The following ACVR1B variants were observed in gnomAD, a reference collection of about 807,000 sequenced individuals.
ACVR1B encodes activin A receptor type 1B.
ACVR1B carries 15 observed loss-of-function variants against 55.6 expected under a neutral mutation model. That is an observed-to-expected ratio of 0.27 (90% CI 0.18 to 0.42). The LOEUF (loss-of-function observed/expected upper bound fraction) is 0.42, where lower values mean the gene tolerates loss of function less well. ACVR1B is among the 10% of genes least tolerant of loss of function. The pLI is 1.00. For synonymous variants in ACVR1B, 247 were observed against 254.6 expected (o/e 0.97, Z 0.28); for missense variants, 359 against 670.1 (o/e 0.54, Z 5.13).
intron 8 of ACVR1B, among the ~76,000 whole-genome samples, chr12:51,993,020 CA>C (rs1263045825): frequency 6.6e-6 from 1 of 152,174 alleles, no homozygotes; most frequent in Non-Finnish European, 1.5e-5. Flanking sequence ...GTGTGATTGA[CA>C]AATGAAATTG....
At chr12:51,992,302 C>T (rs910228750) in intron 8 of ACVR1B, 7 of 446,994 alleles carry the variant, frequency 1.6e-5, no homozygotes, top group Admixed American at 7.7e-5. Context: ...CTCAGAAGTT[C>T]GAGACAAACC....
At chr12:51,965,099 G>T (rs1001990366) in intron 1 of ACVR1B, among the ~76,000 whole-genome samples, 2 of 152,082 alleles carry the variant, frequency 1.3e-5, no homozygotes, top group African/African-American at 4.8e-5. Flanking sequence ...TGTAATTTAT[G>T]TTGGTGGACA....
chr12:51,973,820 A>G (rs1941793199), intron 1 of ACVR1B, among the ~76,000 whole-genome samples: 1 of 152,180 alleles, frequency 6.6e-6, no homozygotes, highest in Non-Finnish European at 1.5e-5. Flanking sequence ...TGCACTGTCT[A>G]CACTGTCTAT....
intron 6 of ACVR1B, among the ~76,000 whole-genome samples, chr12:51,986,403 C>T (rs1293522384): frequency 2.0e-5 from 3 of 152,120 alleles, no homozygotes; most frequent in African/African-American, 4.8e-5. Flanking sequence ...GGATTACAGG[C>T]GCCTGCCACC....
At chr12:51,971,501 TTATA>T (rs1483291231) in intron 1 of ACVR1B, among the ~76,000 whole-genome samples, 2 of 152,334 alleles carry the variant, frequency 1.3e-5, no homozygotes, top group East Asian at 3.9e-4. Flanking sequence ...TTAGGTATGT[TTATA>T]TACACGGTGT....
chr12:51,985,415 C>T, intron 6 of ACVR1B, 67 bp downstream of exon 6: 1 of 1,515,016 alleles, frequency 6.6e-7, no homozygotes, highest in Non-Finnish European at 8.9e-7. Flanking sequence ...GTGCCGTTTC[C>T]CATATGCGCA....
chr12:51,955,002 C>T lies in ACVR1B; in HGVS notation c.91+3168C>T, dbSNP rs555356176. Among the ~76,000 whole-genome samples the T allele has an allele frequency of 2.7e-4, 41 of 152,302 alleles. No homozygotes were observed. In the South Asian group the frequency reaches 8.3e-3, roughly 31 times the overall value. On this transcript the variant is annotated intron_variant, in intron 1 of 8. Coordinates refer to ENST00000257963, the MANE Select transcript of ACVR1B (RefSeq NM_004302.5). ...TCCTCAAGTTAATTTCTGTCTCTGG[C>T]AGGCTCTTACATCGTCGACTAGGCA...
chr12:51,954,057 T>A (rs1353620613), intron 1 of ACVR1B, among the ~76,000 whole-genome samples: 1 of 152,112 alleles, frequency 6.6e-6, no homozygotes, highest in African/African-American at 2.4e-5. Flanking sequence ...AAACGTCAGT[T>A]CTGGGAAAAT....
chr12:51,957,059 C>T (rs1354937543), intron 1 of ACVR1B, among the ~76,000 whole-genome samples: 1 of 151,918 alleles, frequency 6.6e-6, no homozygotes, highest in Non-Finnish European at 1.5e-5. Flanking sequence ...AGCCACTGAA[C>T]CTGGCCTGTT....
At chr12:51,992,092 G>A in intron 8 of ACVR1B, 99 bp downstream of exon 8, 1 of 1,474,808 alleles carries the variant, frequency 6.8e-7, no homozygotes, top group Non-Finnish European at 9.4e-7. Flanking sequence ...GGAGCCCCCT[G>A]AGAGTGTCAG....
intron 1 of ACVR1B, among the ~76,000 whole-genome samples, chr12:51,961,238 G>T (rs1941519116): frequency 6.6e-6 from 1 of 152,158 alleles, no homozygotes; most frequent in South Asian, 2.1e-4. Context: ...TGGCTTATTT[G>T]TTATATGGCT....
intron 7 of ACVR1B, 124 bp from the exon 8 acceptor site, chr12:51,991,739 T>C: frequency 9.3e-7 from 1 of 1,078,382 alleles, no homozygotes; most frequent in South Asian, 1.6e-5. Context: ...TAGAATTAAC[T>C]AACTTTCTAA....
chr12:51,959,984 G>A (rs1303213487), intron 1 of ACVR1B: 1 of 150,784 alleles, frequency 6.6e-6, no homozygotes, highest in East Asian at 1.9e-4. Flanking sequence ...GTATATGTTT[G>A]CATATTACCT....
chr12:51,970,227 CCAAGTGT>C (rs1425956299), intron 1 of ACVR1B, among the ~76,000 whole-genome samples: 1 of 152,108 alleles, frequency 6.6e-6, no homozygotes, highest in East Asian at 1.9e-4. Flanking sequence ...GCTCTGTGTG[CCAAGTGT>C]TGTCAGAAAG....
rs778353328 is a variant in ACVR1B at position 51,991,845 on chromosome 12, T to TA, written c.1262-17dup. 6.2e-7 allele frequency: 1 copy of TA among 1,610,896 alleles called. No individual in the cohort carries two copies. Among genetic ancestry groups the TA allele is most frequent in the Non-Finnish European group, 8.5e-7 (1 of 1,177,958 alleles). Reference sequence around the variant, plus strand: ...TCCTGCTGTTGATAACTCAGGTAGATACTTTCTTTTCTCCCAGGAGTCCAT... The same window carrying TA: ...TCCTGCTGTTGATAACTCAGGTAGATAACTTTCTTTTCTCCCAGGAGTCCAT... On this transcript the variant is annotated splice_polypyrimidine_tract_variant and intron_variant, in intron 7 of 8. Coordinates refer to ENST00000257963, the MANE Select transcript of ACVR1B (RefSeq NM_004302.5).
chr12:51,990,795 G>A (rs1380698378), intron 7 of ACVR1B, among the ~76,000 whole-genome samples: 1 of 151,782 alleles, frequency 6.6e-6, no homozygotes, highest in Admixed American at 6.6e-5. Context: ...CTGTTTTTTC[G>A]GAGAATCCAG....
In ACVR1B at chr12:51,961,802, G is replaced by C. The variant is rs534110042; in HGVS notation, c.91+9968G>C. Reference sequence around the variant, plus strand: ...TGGTTTTACATGTTCATCATAAACTGATATCAAAGGAGAAATGCAATTTCC... The same window carrying C: ...TGGTTTTACATGTTCATCATAAACTCATATCAAAGGAGAAATGCAATTTCC... On this transcript the variant is annotated intron_variant, in intron 1 of 8. Coordinates refer to ENST00000257963, the MANE Select transcript of ACVR1B (RefSeq NM_004302.5). 2.6e-5 allele frequency among the ~76,000 whole-genome samples: 4 copies of C among 152,194 alleles called. 1 individual carries two copies. The highest frequency in any genetic ancestry group is 5.9e-5 in the Non-Finnish European group (4 of 68,034).
At chr12:51,965,483 T>C (rs999552961) in intron 1 of ACVR1B, among the ~76,000 whole-genome samples, 1 of 152,136 alleles carries the variant, frequency 6.6e-6, no homozygotes, top group African/African-American at 2.4e-5. Context: ...AGTAAGAACT[T>C]TGATGTATTT....
intron 1 of ACVR1B, among the ~76,000 whole-genome samples, chr12:51,958,602 C>G (rs1401680848): frequency 6.7e-6 from 1 of 150,140 alleles, no homozygotes; most frequent in Non-Finnish European, 1.5e-5. Flanking sequence ...CAGCCGAGAT[C>G]ACGCCACTGC....
Sources: gnomAD v4.1 joint callset for allele counts (sites outside exome capture counted in the v4.1 genomes callset) on GRCh38, gnomAD v4.1.1 for gene constraint, MANE v1.5 for transcripts, NCBI Gene and HGNC (gene_info 2026-07-23, HGNC 2026-07-21) for gene names.